The following KCTD8 variants were observed in gnomAD, a reference collection of about 807,000 sequenced individuals.
The protein encoded by KCTD8 is BTB/POZ domain-containing protein KCTD8.
In KCTD8, 27 loss-of-function variants were observed where a neutral mutation model predicts 31.5. That is an observed-to-expected ratio of 0.86 (90% confidence interval 0.63 to 1.18). The LOEUF is 1.18. Among genes scored for constraint, KCTD8 ranks in the 50% most tolerant of loss-of-function variants. The probability of loss-of-function intolerance (pLI) is 0.00; values close to 1 mark genes in which losing one functional copy is unlikely to be tolerated. For missense variants in KCTD8, 658 were observed against 647.7 expected (o/e 1.02, Z -0.17); for synonymous variants, 290 against 280.0 (o/e 1.04, Z -0.36).
intron 1 of KCTD8, among the ~76,000 whole-genome samples, chr4:44,210,965 C>T (rs982339548): frequency 4.6e-5 from 7 of 152,146 alleles, no homozygotes; most frequent in Non-Finnish European, 1.0e-4. Flanking sequence ...GTTCACCAGT[C>T]CTCTAGAGGC....
At chr4:44,191,602 T>C (rs1713767433) in intron 1 of KCTD8, among the ~76,000 whole-genome samples, 1 of 151,944 alleles carries the variant, frequency 6.6e-6, no homozygotes, top group African/African-American at 2.4e-5. Flanking sequence ...TCTCTGGGAG[T>C]GTCTGTCCTA....
chr4:44,358,061 C>A (rs564630711), intron 1 of KCTD8, among the ~76,000 whole-genome samples: 133 of 151,992 alleles, frequency 8.8e-4, no homozygotes, highest in East Asian at 2.3e-3. Context: ...CCCCCACCCC[C>A]CAAAGCCCAG....
rs372721418 is a variant in KCTD8, at chr4:44,275,639, T to C, written c.962-100389A>G. 2.6e-5 allele frequency among the ~76,000 whole-genome samples: 4 copies of C among 152,202 alleles called. No individual in the cohort carries two copies. In the East Asian group the frequency reaches 7.7e-4, roughly 29 times the overall value. On this transcript the variant is annotated intron_variant, in intron 1 of 1. Coordinates refer to ENST00000360029, the MANE Select transcript of KCTD8 (RefSeq NM_198353.3). The stretch of plus-strand genomic sequence containing the variant: ...GAATCTACTAAACTACAAAGTATAA[T>C]CTTAAAATGTAAATGCAACAGCTTC...
intron 1 of KCTD8, among the ~76,000 whole-genome samples, chr4:44,366,960 A>T (rs1224664164): frequency 6.6e-6 from 1 of 152,132 alleles, no homozygotes; most frequent in East Asian, 1.9e-4. Context: ...TGTTATGGTA[A>T]AGATAAAATG....
chr4:44,413,712 G>GC (rs954452799), intron 1 of KCTD8, among the ~76,000 whole-genome samples: 3 of 151,860 alleles, frequency 2.0e-5, no homozygotes, highest in South Asian at 4.2e-4. Context: ...GCAGAATAAT[G>GC]CCCCCCCAAA....
chr4:44,427,312 A>C (rs1721373186), intron 1 of KCTD8, among the ~76,000 whole-genome samples: 1 of 151,442 alleles, frequency 6.6e-6, no homozygotes, highest in Non-Finnish European at 1.5e-5. Flanking sequence ...CAGGGGAATC[A>C]CAAAATTATA....
At chr4:44,370,806 G>A (rs1363598846) in intron 1 of KCTD8, among the ~76,000 whole-genome samples, 3 of 152,150 alleles carry the variant, frequency 2.0e-5, no homozygotes, top group Non-Finnish European at 2.9e-5. Flanking sequence ...ATTCCTAGAA[G>A]TGGCAAGGGA....
chr4:44,409,283 A>AG lies in KCTD8; in HGVS notation c.961+38279dup, dbSNP rs1269758418. On this transcript the variant is annotated intron_variant, in intron 1 of 1. Coordinates refer to ENST00000360029, the MANE Select transcript of KCTD8 (RefSeq NM_198353.3). ...GAGGAAGGAAGGAAGGGAGGGAGGG[A>AG]GGAGATTTTTTATATATCCAGGGAA... is the stretch of plus-strand genomic sequence containing the variant. 3.2e-4 allele frequency among the ~76,000 whole-genome samples: 48 copies of AG among 151,888 alleles called. 1 individual carries two copies. The highest frequency in any genetic ancestry group is 1.0e-4 in the Non-Finnish European group (7 of 67,948).
chr4:44,359,029 T>A (rs2065831742), intron 1 of KCTD8, among the ~76,000 whole-genome samples: 1 of 152,326 alleles, frequency 6.6e-6, no homozygotes, highest in East Asian at 1.9e-4. Flanking sequence ...TTTTTTCTTT[T>A]AAATTTAAGT....
intron 1 of KCTD8, among the ~76,000 whole-genome samples, chr4:44,265,595 G>A (rs1256389105): frequency 6.6e-6 from 1 of 152,222 alleles, no homozygotes; most frequent in Non-Finnish European, 1.5e-5. Context: ...AAACTACTCC[G>A]AGCTACAGGA....
At chr4:44,445,379 C>T (rs1240048331) in intron 1 of KCTD8, among the ~76,000 whole-genome samples, 1 of 152,066 alleles carries the variant, frequency 6.6e-6, no homozygotes, top group Non-Finnish European at 1.5e-5. Context: ...AGGTTGCCTC[C>T]TTAGATTTCT....
At chr4:44,272,423 T>C (rs979680240) in intron 1 of KCTD8, among the ~76,000 whole-genome samples, 9 of 151,988 alleles carry the variant, frequency 5.9e-5, no homozygotes, top group Non-Finnish European at 1.2e-4. Flanking sequence ...TAAAGTAATA[T>C]ACAATAAAAT....
chr4:44,443,654 G>A (rs1252491099), intron 1 of KCTD8, among the ~76,000 whole-genome samples: 4 of 152,046 alleles, frequency 2.6e-5, no homozygotes, highest in South Asian at 4.2e-4. Context: ...CCTAGAGAAA[G>A]GTGTACATTC....
At chr4:44,220,783 A>G (rs1033294474) in intron 1 of KCTD8, among the ~76,000 whole-genome samples, 3 of 152,204 alleles carry the variant, frequency 2.0e-5, no homozygotes, top group Non-Finnish European at 1.5e-5. Context: ...ATACGAAAAG[A>G]GAATATTTAG....
chr4:44,310,568 C>A (rs1288643121), intron 1 of KCTD8, among the ~76,000 whole-genome samples: 1 of 152,010 alleles, frequency 6.6e-6, no homozygotes, highest in Non-Finnish European at 1.5e-5. Flanking sequence ...CATAGGCTTT[C>A]TATTTTACTA....
rs1038652777 is a variant in KCTD8 at position 44,387,512 on chromosome 4, C to A, written c.961+60051G>T. On this transcript the variant is annotated intron_variant, in intron 1 of 1. Coordinates refer to ENST00000360029, the MANE Select transcript of KCTD8 (RefSeq NM_198353.3). Reference sequence around the variant, plus strand: ...TAACCAGAACAACATAGCACTGGTACAAGAACAGACACATAGAACAATGAA... The same window carrying A: ...TAACCAGAACAACATAGCACTGGTAAAAGAACAGACACATAGAACAATGAA... 8.2e-4 allele frequency among the ~76,000 whole-genome samples: 124 copies of A among 151,754 alleles called. 2 individuals are homozygous for A. The highest frequency in any genetic ancestry group is 2.9e-4 in the Non-Finnish European group (20 of 67,828).
intron 1 of KCTD8, among the ~76,000 whole-genome samples, chr4:44,258,940 T>C (rs1208517430): frequency 6.6e-6 from 1 of 151,844 alleles, no homozygotes; most frequent in Non-Finnish European, 1.5e-5. Flanking sequence ...CCCTACCTCA[T>C]AAAATTGGTG....
At chr4:44,260,287 ATAAT>A (rs1716122680) in intron 1 of KCTD8, among the ~76,000 whole-genome samples, 1 of 151,958 alleles carries the variant, frequency 6.6e-6, no homozygotes, top group Admixed American at 6.6e-5. Context: ...AGTGATAATA[ATAAT>A]TTATTCAACA....
At chr4:44,421,512 A>T (rs146546444) in intron 1 of KCTD8, among the ~76,000 whole-genome samples, 1 of 152,252 alleles carries the variant, frequency 6.6e-6, no homozygotes, top group Non-Finnish European at 1.5e-5. Flanking sequence ...ACCCTAGGTG[A>T]TGCTGAGGCA....
Sources: allele counts gnomAD v4.1 joint callset (sites outside exome capture counted in the v4.1 genomes callset), GRCh38; gene constraint gnomAD v4.1.1; transcripts MANE v1.5; gene names NCBI Gene and HGNC (gene_info 2026-07-23, HGNC 2026-07-21).